The following FNBP4 variants were observed in gnomAD, a reference collection of about 807,000 sequenced individuals.
The protein encoded by FNBP4 is formin binding protein 4, also known as formin-binding protein 4.
FNBP4 carries 34 observed loss-of-function variants against 119.3 expected under a neutral mutation model. The observed-to-expected ratio is 0.28, with a 90% CI of 0.22 to 0.38. The LOEUF (loss-of-function observed/expected upper bound fraction) is 0.38, where lower values mean the gene tolerates loss of function less well. Ranked by LOEUF, FNBP4 falls within the 10% of genes least tolerant of loss-of-function variation. The pLI, the probability that FNBP4 is intolerant of heterozygous loss-of-function variation, is 1.00. For missense variants in FNBP4, 1,112 were observed against 1,228.9 expected (o/e 0.90, Z 1.42); for synonymous variants, 462 against 430.6 (o/e 1.07, Z -0.90).
At chr11:47,745,430 G>A (rs748094650) in intron 7 of FNBP4, among the ~76,000 whole-genome samples, 4 of 152,110 alleles carry the variant, frequency 2.6e-5, no homozygotes, top group Non-Finnish European at 5.9e-5. Flanking sequence ...ATGCGGTTGA[G>A]ATAAGGACTG....
chr11:47,748,323 T>G (rs1230788179), intron 6 of FNBP4, among the ~76,000 whole-genome samples: 1 of 151,716 alleles, frequency 6.6e-6, no homozygotes, highest in Non-Finnish European at 1.5e-5. Context: ...AAATTTGTGA[T>G]TAAAGTATCT....
At chr11:47,723,698 G>A (rs1250670520) in intron 14 of FNBP4, among the ~76,000 whole-genome samples, 3 of 151,988 alleles carry the variant, frequency 2.0e-5, no homozygotes, top group African/African-American at 2.4e-5. Context: ...CTGAGTAGCC[G>A]GGACTACAGG....
In FNBP4 at chr11:47,742,477, C is replaced by CAAAAAAAAAAAAAAAAAAA; in HGVS notation, c.1456+1457_1456+1475dup. 6.3e-4 allele frequency among the ~76,000 whole-genome samples: 15 copies of CAAAAAAAAAAAAAAAAAAA among 23,760 alleles called. 1 individual carries two copies. Among genetic ancestry groups the CAAAAAAAAAAAAAAAAAAA allele is most frequent in the East Asian group, 1.6e-3 (1 of 640 alleles). 15.6% of individuals were successfully genotyped at this position (23,760 alleles called of 152,430 possible). A position where few individuals can be genotyped will look rare whatever the true frequency, so the allele number is the denominator to read the frequency against. ...TGGGGGACAGAGCAAGACTCCGTCTCAAAAAAAAAAAAAAAAAAAAAAAAA... is the reference window on the plus strand; with the variant it reads ...TGGGGGACAGAGCAAGACTCCGTCTCAAAAAAAAAAAAAAAAAAAAAAAAAAAAAAAAAAAAAAAAAAAA... On this transcript the variant is annotated intron_variant, in intron 8 of 16. Transcript: ENST00000263773.
Position 47,723,114 on chromosome 11 carries a change from C to T in FNBP4, c.2667G>A (p.Gln889=), listed in dbSNP as rs2097557641. 1.2e-6 allele frequency: 2 copies of T among 1,613,990 alleles called. No homozygotes were observed. Among genetic ancestry groups the T allele is most frequent in the Non-Finnish European group, 8.5e-7 (1 of 1,180,020 alleles). The part of the protein sequence containing the change: ...VPIGVTAPSL[Q]PVQARGAVPT... ...GCACAGCACCTCGGGCCTGAACTGG[C>T]TGCAATGAGGGAGCAGTCACTCCAA... The change falls in exon 15 of 17, where the codon CAG becomes CAA. Residue 889 remains glutamine, a synonymous_variant. Coordinates refer to ENST00000263773, the MANE Select transcript of FNBP4 (RefSeq NM_015308.5).
intron 6 of FNBP4, among the ~76,000 whole-genome samples, chr11:47,746,915 A>G (rs1373400256): frequency 1.3e-5 from 2 of 152,174 alleles, no homozygotes; most frequent in African/African-American, 4.8e-5. Context: ...GGATTCAAAT[A>G]TATCCTCCCT....
chr11:47,746,498 G>T, intron 6 of FNBP4, 104 bp from the exon 7 acceptor site: 7 of 1,035,856 alleles, frequency 6.8e-6, no homozygotes, highest in East Asian at 2.6e-5. Context: ...TTCAGTAGCT[G>T]AATACTCAAG....
chr11:47,719,590 G>A (rs79845475), intron 16 of FNBP4, among the ~76,000 whole-genome samples: 1 of 113,732 alleles, frequency 8.8e-6, no homozygotes, highest in African/African-American at 3.2e-5. Context: ...GTGTGTGTGT[G>A]TGTGTGTGTG....
At chr11:47,749,875 T>A (rs2097598467) in intron 6 of FNBP4, among the ~76,000 whole-genome samples, 1 of 152,192 alleles carries the variant, frequency 6.6e-6, no homozygotes, top group African/African-American at 2.4e-5. Flanking sequence ...AAATCTAAAT[T>A]ATCTCCGATC....
chr11:47,737,716 A>G (rs2097576162), intron 8 of FNBP4, among the ~76,000 whole-genome samples: 1 of 149,186 alleles, frequency 6.7e-6, no homozygotes, highest in African/African-American at 2.5e-5. Context: ...CTGGGATTAT[A>G]GGTGTAAGCC....
Position 47,752,918 on chromosome 11 carries a change from C to A in FNBP4, c.635G>T (p.Gly212Val), listed in dbSNP as rs1337188121. The change falls in exon 4 of 17, where the codon GGA (glycine) becomes GTA (valine). Residue 212 changes from glycine (G) to valine (V), a missense_variant and splice_region_variant. This residue lies in a region of FNBP4 where 826 missense variants were observed against 988.8 expected (regional missense o/e 0.84). Coordinates refer to ENST00000263773, the MANE Select transcript of FNBP4 (RefSeq NM_015308.5). ...WQYDTQCSLA[G>V]VGIEMGDWQE... ...AAAAATCAAAGGATCAAGTTTACCTCCTGCCAGTGAACACTGAGTATCATA... is the reference window on the plus strand; with the variant it reads ...AAAAATCAAAGGATCAAGTTTACCTACTGCCAGTGAACACTGAGTATCATA... The A allele has an allele frequency of 6.2e-7, 1 of 1,609,406 alleles. No individual in the cohort carries two copies.
chr11:47,743,173 T>C (rs1447975702), intron 8 of FNBP4, among the ~76,000 whole-genome samples: 1 of 152,096 alleles, frequency 6.6e-6, no homozygotes, highest in Non-Finnish European at 1.5e-5. Context: ...GTCCTTATCT[T>C]ACTGCTGACT....
intron 2 of FNBP4, among the ~76,000 whole-genome samples, chr11:47,758,006 G>A (rs2097623571): frequency 6.6e-6 from 1 of 152,136 alleles, no homozygotes; most frequent in South Asian, 2.1e-4. Context: ...TGCAGAGATG[G>A]AATCTCCTAT....
chr11:47,752,692 T>C, intron 4 of FNBP4: 1 of 436,708 alleles, frequency 2.3e-6, no homozygotes, highest in Middle Eastern at 6.4e-4. Context: ...TGTGCGCCTG[T>C]AGTCCCAGTT....
chr11:47,718,993 C>T (rs1234941770), intron 16 of FNBP4, among the ~76,000 whole-genome samples: 1 of 151,674 alleles, frequency 6.6e-6, no homozygotes, highest in Non-Finnish European at 1.5e-5. Flanking sequence ...GCAACCTCCG[C>T]CTCGCGGGTT....
At chr11:47,729,641 C>T (rs565451382) in intron 12 of FNBP4, 34 of 957,952 alleles carry the variant, frequency 3.5e-5, no homozygotes, top group Admixed American at 1.8e-4. Flanking sequence ...TCCCAAACAG[C>T]TCGGACTACA....
In FNBP4 at chr11:47,744,149, G is replaced by A; in HGVS notation, c.1260C>T (p.Ala420=). 1.2e-6 allele frequency: 2 copies of A among 1,613,966 alleles called. No homozygotes were observed. The highest frequency in any genetic ancestry group is 1.7e-6 in the Non-Finnish European group (2 of 1,179,956). Reference sequence around the variant, plus strand: ...ACACACTACCATCTCCTTCCTCCAAGGCTCGCAACTCTGCCTACAAAGAAC... The same window carrying A: ...ACACACTACCATCTCCTTCCTCCAAAGCTCGCAACTCTGCCTACAAAGAAC... ...VLERKKAELR[A]LEEGDGSVSG... is the part of the protein sequence containing the mutation. Residue 420 remains alanine (A), a synonymous_variant, in exon 8 of 17, where the codon GCC becomes GCT. Transcript: ENST00000263773.
At chr11:47,729,481 G>A (rs2097564988) in intron 12 of FNBP4, 1 of 985,204 alleles carries the variant, frequency 1.0e-6, no homozygotes, top group African/African-American at 1.7e-5. Flanking sequence ...AAACTTCTTG[G>A]CTTCTCACAG....
chr11:47,741,554 A>G lies in FNBP4; in HGVS notation c.1456+2399T>C, dbSNP rs971153675. ...ACCACAGGGCTGGTCGCAGTGGCTC[A>G]CGCCTGTAATCCCAGCACTTTGGGA... On this transcript the variant is annotated intron_variant, in intron 8 of 16. Transcript: ENST00000263773. 2.4e-4 allele frequency among the ~76,000 whole-genome samples: 36 copies of G among 151,780 alleles called. 1 individual carries two copies. The highest frequency in any genetic ancestry group is 2.0e-3 in the Admixed American group (30 of 15,264).
chr11:47,761,888 G>T (rs189415347), intron 2 of FNBP4, among the ~76,000 whole-genome samples: 227 of 152,100 alleles, frequency 1.5e-3, no homozygotes, highest in African/African-American at 5.2e-3. Flanking sequence ...GCCCAGGCTG[G>T]AGTGCAATGG....
Sources: gnomAD v4.1 joint callset for allele counts (sites outside exome capture counted in the v4.1 genomes callset) on GRCh38, gnomAD v4.1.1 for gene constraint, gnomAD v4.1.1 regional missense constraint, MANE v1.5 for transcripts, NCBI Gene and HGNC (gene_info 2026-07-23, HGNC 2026-07-21) for gene names.